FOXP2: variants seen among roughly 807,000 people sequenced by gnomAD.
FOXP2 encodes forkhead box protein P2.
A neutral mutation model predicts 115.8 loss-of-function variants in FOXP2; 12 were observed. The ratio of observed to expected loss-of-function variants is 0.10; its 90% confidence interval spans 0.07 to 0.17. The LOEUF is 0.17. Among genes scored for constraint, FOXP2 ranks in the 10% least tolerant of loss-of-function variants. The pLI is 1.00. For missense variants in FOXP2, 629 were observed against 843.5 expected, an observed-to-expected ratio of 0.75 and a Z score of 3.15; for synonymous variants, 328 against 297.7, an observed-to-expected ratio of 1.10 and a Z score of -1.05.
chr7:114,536,843 T>C (rs561606062), intron 3 of FOXP2, among the ~76,000 whole-genome samples: 1 of 151,606 alleles, frequency 6.6e-6, no homozygotes, highest in Non-Finnish European at 1.5e-5. Context: ...TTTAGGGATA[T>C]TGAATGAGAC....
rs578085872 is a variant in FOXP2 at position 114,675,577 on chromosome 7, T to C, written c.2003+11141T>C. ...AAAATTTATTCAATCACGTATGAAA[T>C]TGATAAAGTGCTAATCATGTATTTA... On this transcript the variant is annotated intron_variant, in intron 16 of 16. Transcript: ENST00000350908. 3.3e-5 allele frequency among the ~76,000 whole-genome samples: 5 copies of C among 152,292 alleles called. 1 individual carries two copies. In the South Asian group the frequency reaches 1.0e-3, roughly 32 times the overall value.
chr7:114,381,512 G>A (rs1302779073), intron 2 of FOXP2, among the ~76,000 whole-genome samples: 2 of 152,210 alleles, frequency 1.3e-5, no homozygotes, highest in Non-Finnish European at 2.9e-5. Context: ...GGTGAGTTGA[G>A]ACGTTGGGTT....
At chr7:114,306,009 A>G (rs1212443091) in intron 2 of FOXP2, among the ~76,000 whole-genome samples, 4 of 152,064 alleles carry the variant, frequency 2.6e-5, no homozygotes, top group African/African-American at 9.7e-5. Context: ...ACTTTAGCCA[A>G]ACTAATGTTA....
chr7:114,409,910 C>T (rs1464416445), upstream of FOXP2, among the ~76,000 whole-genome samples: 2 of 152,034 alleles, frequency 1.3e-5, no homozygotes, highest in African/African-American at 4.8e-5. Context: ...CCTAACTCAC[C>T]CTAGTGTATT....
chr7:114,509,278 G>T lies in FOXP2; in HGVS notation c.169-25339G>T, dbSNP rs1216121136. 5.4e-5 allele frequency among the ~76,000 whole-genome samples: 8 copies of T among 147,776 alleles called. No homozygotes were observed. The East Asian group carries it at 1.3e-3, about 24-fold the overall frequency. On this transcript the variant is annotated intron_variant, in intron 2 of 16. Transcript: ENST00000350908. ...GGTTTAATGGTTTTTTTGTTTGTTT[G>T]TTTTTTGTTTTGTTTTGTTTTTTGA...
At chr7:114,376,888 G>A (rs1465645511) in intron 2 of FOXP2, among the ~76,000 whole-genome samples, 1 of 152,186 alleles carries the variant, frequency 6.6e-6, no homozygotes, top group African/African-American at 2.4e-5. Context: ...GTCAAATTAT[G>A]AAAGGCCTCT....
intron 2 of FOXP2, among the ~76,000 whole-genome samples, chr7:114,361,946 T>C (rs781472743): frequency 1.3e-5 from 2 of 152,010 alleles, no homozygotes; most frequent in South Asian, 2.1e-4. Flanking sequence ...AGATTCGCTA[T>C]AGGAACAATG....
chr7:114,650,587 A>G lies in FOXP2; in HGVS notation c.1095-1616A>G, dbSNP rs1156517872. 5.9e-5 allele frequency among the ~76,000 whole-genome samples: 9 copies of G among 152,040 alleles called. No homozygotes were observed. In the Admixed American group the frequency reaches 5.9e-4, roughly 10 times the overall value. ...TTAAATGTAGTCTTGTTATTTAGGA[A>G]TTGGTGACACTTTCTGTTAACTAAC... On this transcript the variant is annotated intron_variant, in intron 8 of 16. Transcript: ENST00000350908.
At position 114,338,419 on chromosome 7, in the gene FOXP2, T is replaced by G. The variant is rs1791109138; in HGVS notation, c.-11+50310T>G. ...ATTAACTATTTTCAACTATATTATT[T>G]TAGTATTAACTAAAAGCATTTTATT... On this transcript the variant is annotated intron_variant, in intron 2 of 17. Coordinates refer to the FOXP2 transcript ENST00000634411. Among the ~76,000 whole-genome samples, 3 of 151,058 alleles carry G rather than the reference T, an allele frequency of 2.0e-5. No individual in the cohort carries two copies. In the South Asian group the frequency reaches 6.2e-4, roughly 31 times the overall value.
At chr7:114,332,510 A>G (rs1001442923) in intron 2 of FOXP2, among the ~76,000 whole-genome samples, 9 of 152,164 alleles carry the variant, frequency 5.9e-5, no homozygotes, top group African/African-American at 1.7e-4. Context: ...TTTTTCAGCT[A>G]TCGGAATGTC....
chr7:114,148,319 C>T (rs1480869400), intron 1 of FOXP2, among the ~76,000 whole-genome samples: 3 of 152,146 alleles, frequency 2.0e-5, no homozygotes, highest in African/African-American at 7.2e-5. Flanking sequence ...TACTCTGCAA[C>T]ATGTAACATG....
rs1584825857 is a variant in FOXP2, at chr7:114,509,363, G to C, written c.169-25254G>C. On this transcript the variant is annotated intron_variant, in intron 2 of 16. Transcript: ENST00000350908. ...AATAAGTTTTAAAAGGTTTATTTGG[G>C]TGGCTGCTCTGTGCAAAATATTTTG... 2.0e-5 allele frequency among the ~76,000 whole-genome samples: 3 copies of C among 151,960 alleles called. No individual in the cohort carries two copies. The South Asian group carries it at 6.2e-4, about 32-fold the overall frequency.
intron 1 of FOXP2, among the ~76,000 whole-genome samples, chr7:114,262,780 T>C (rs529668290): frequency 6.6e-6 from 1 of 152,352 alleles, no homozygotes; most frequent in South Asian, 2.1e-4. Flanking sequence ...TGCATTCCAG[T>C]TGGAATATTG....
intron 1 of FOXP2, among the ~76,000 whole-genome samples, chr7:114,269,519 G>A (rs371296501): frequency 6.6e-6 from 1 of 152,038 alleles, no homozygotes; most frequent in Non-Finnish European, 1.5e-5. Flanking sequence ...TTGGATTACT[G>A]GGCTAAAGCA....
intron 1 of FOXP2, among the ~76,000 whole-genome samples, chr7:114,220,711 A>C (rs1050025680): frequency 6.6e-6 from 1 of 152,168 alleles, no homozygotes. Flanking sequence ...TCAAAGAAAC[A>C]CCACCACTTT....
intron 1 of FOXP2, chr7:114,285,266 G>A (rs966134571): frequency 9.9e-5 from 15 of 151,930 alleles, no homozygotes; most frequent in African/African-American, 3.4e-4. Context: ...TGGAATATAG[G>A]GATTATTAAA....
intron 1 of FOXP2, among the ~76,000 whole-genome samples, chr7:114,211,135 G>A (rs914279003): frequency 2.6e-5 from 4 of 152,180 alleles, no homozygotes; most frequent in South Asian, 2.1e-4. Flanking sequence ...AACTTACGAG[G>A]TGCCGTGGAA....
chr7:114,268,391 T>C (rs1795951418), intron 1 of FOXP2, among the ~76,000 whole-genome samples: 1 of 152,182 alleles, frequency 6.6e-6, no homozygotes, highest in Non-Finnish European at 1.5e-5. Context: ...TATTAGGGCA[T>C]ATTAGAATTT....
At chr7:114,453,129 G>A (rs1795140443) in intron 2 of FOXP2, among the ~76,000 whole-genome samples, 1 of 152,120 alleles carries the variant, frequency 6.6e-6, no homozygotes, top group East Asian at 1.9e-4. Flanking sequence ...CATCAGGGAT[G>A]TGAACTGTGA....
Sources: gnomAD v4.1 joint callset for allele counts (sites outside exome capture counted in the v4.1 genomes callset) on GRCh38, gnomAD v4.1.1 for gene constraint, MANE v1.5 for transcripts, NCBI Gene and HGNC (gene_info 2026-07-23, HGNC 2026-07-21) for gene names.